Variants in VPS13B observed in about 807,000 individuals in gnomAD.
VPS13B encodes the protein intermembrane lipid transfer protein VPS13B.
In VPS13B, 285 loss-of-function variants were observed where a neutral mutation model predicts 426.4. The ratio of observed to expected loss-of-function variants is 0.67; its 90% CI spans 0.61 to 0.74. The LOEUF (loss-of-function observed/expected upper bound fraction) is 0.74, where lower values mean the gene tolerates loss of function less well. Ranked by LOEUF, VPS13B falls within the 30% of genes least tolerant of loss-of-function variation. The pLI, the probability that VPS13B is intolerant of heterozygous loss-of-function variation, is 0.00. For synonymous variants in VPS13B, 1,676 were observed against 1,676.4 expected, an observed-to-expected ratio of 1.00 and a Z score of 0.01; for missense variants, 4,537 against 4,782.6, an observed-to-expected ratio of 0.95 and a Z score of 1.51.
At chr8:99,313,065 T>C (rs1488295880) in intron 19 of VPS13B, among the ~76,000 whole-genome samples, 2 of 152,152 alleles carry the variant, frequency 1.3e-5, no homozygotes, top group African/African-American at 2.4e-5. Flanking sequence ...AGTTAGCCAT[T>C]CATCTAATCT....
Position 99,859,322 on chromosome 8 carries a change from T to G in VPS13B, c.10886T>G (p.Leu3629Arg). The G allele has an allele frequency of 6.2e-7, 1 of 1,613,790 alleles. No individual in the cohort carries two copies. The highest frequency in any genetic ancestry group is 8.5e-7 in the Non-Finnish European group (1 of 1,179,940). The change falls in exon 57 of 62, where the codon CTG becomes CGG. Residue 3629 changes from leucine to arginine, a missense_variant. This residue lies in a region of VPS13B where 4,311 missense variants were observed against 4,474.3 expected (regional missense o/e 0.96). Transcript: ENST00000357162. ...GTTGCAGGCTGGGTAGTTGGGTCTC[T>G]GGATATTCTTGGCAGCCCTGCAAGC... ...LFRAGWVVGSLDILGSPASLV... is the reference protein window; with the variant it reads ...LFRAGWVVGSRDILGSPASLV...
At chr8:99,756,411 A>T (rs1291114845) in intron 39 of VPS13B, among the ~76,000 whole-genome samples, 3 of 152,170 alleles carry the variant, frequency 2.0e-5, no homozygotes, top group Admixed American at 6.5e-5. Context: ...GTCCCAGGAG[A>T]GGAGAGAAAC....
At chr8:99,725,124 C>G (rs535869399) in intron 39 of VPS13B, among the ~76,000 whole-genome samples, 37 of 152,320 alleles carry the variant, frequency 2.4e-4, no homozygotes, top group Admixed American at 2.6e-4. Flanking sequence ...TAAAGCCCTC[C>G]TCTGAAATCT....
At chr8:99,640,019 T>TAAGAAGAAGAAG (rs1172250597) in intron 33 of VPS13B, among the ~76,000 whole-genome samples, 1 of 78,312 alleles carries the variant, frequency 1.3e-5, no homozygotes, top group African/African-American at 4.4e-5. Flanking sequence ...ATAATAATAA[T>TAAGAAGAAGAAG]AATAATAAGA....
chr8:99,846,343 C>T (rs1563505186), intron 54 of VPS13B, among the ~76,000 whole-genome samples: 1 of 152,130 alleles, frequency 6.6e-6, no homozygotes, highest in Non-Finnish European at 1.5e-5. Context: ...GTGAGCAGTG[C>T]GAGGGTAGGA....
chr8:99,238,998 A>C (rs569604213), intron 17 of VPS13B, among the ~76,000 whole-genome samples: 61 of 152,328 alleles, frequency 4.0e-4, no homozygotes, highest in African/African-American at 1.4e-3. Context: ...TCAAGATTTC[A>C]TCTGAGTAAG....
At chr8:99,496,272 A>G (rs966622047) in intron 25 of VPS13B, among the ~76,000 whole-genome samples, 4 of 152,214 alleles carry the variant, frequency 2.6e-5, no homozygotes, top group African/African-American at 9.6e-5. Flanking sequence ...TGGTCTAGAA[A>G]GTGGAACATT....
At chr8:99,573,012 G>T (rs1825566358) in intron 31 of VPS13B, among the ~76,000 whole-genome samples, 1 of 152,152 alleles carries the variant, frequency 6.6e-6, no homozygotes, top group South Asian at 2.1e-4. Flanking sequence ...GTGTGAGATG[G>T]TATCTCATTG....
Position 99,355,268 on chromosome 8 carries a change from T to C in VPS13B, c.2825-28940T>C, listed in dbSNP as rs551755143. On this transcript the variant is annotated intron_variant, in intron 19 of 61. Coordinates refer to ENST00000357162, the MANE Select transcript of VPS13B (RefSeq NM_152564.5). ...AAGCCCCCTCTTTTCATATTGTGAA[T>C]TAAAAATTCCAACTGCTTTTCTTAA... is the stretch of plus-strand genomic sequence containing the variant. 2.0e-5 allele frequency among the ~76,000 whole-genome samples: 3 copies of C among 152,310 alleles called. No individual in the cohort carries two copies. The East Asian group carries it at 5.8e-4, about 29-fold the overall frequency.
At chr8:99,388,139 G>A (rs548399506) in intron 20 of VPS13B, among the ~76,000 whole-genome samples, 4 of 152,104 alleles carry the variant, frequency 2.6e-5, no homozygotes, top group Non-Finnish European at 4.4e-5. Context: ...TATGCAATAT[G>A]AGGGCACTTA....
Position 99,364,559 on chromosome 8 carries a change from A to G in VPS13B, c.2825-19649A>G, listed in dbSNP as rs182868933. On this transcript the variant is annotated intron_variant, in intron 19 of 61. Coordinates refer to ENST00000357162, the MANE Select transcript of VPS13B (RefSeq NM_152564.5). ...GTGACCCTCCCACCTCAGCTTCCCA[A>G]GTAGCTGGGACTACAGACATGTGCT... is the stretch of plus-strand genomic sequence containing the variant. Among the ~76,000 whole-genome samples, 958 of 152,116 alleles carry G rather than the reference A, an allele frequency of 6.3e-3. 7 individuals carry two copies. The highest frequency in any genetic ancestry group is 0.022 in the African/African-American group (899 of 41,496).
chr8:99,431,744 C>A, intron 22 of VPS13B, 80 bp downstream of exon 22: 1 of 1,443,938 alleles, frequency 6.9e-7, no homozygotes, highest in Non-Finnish European at 9.5e-7. Context: ...ATTGGTAAGA[C>A]TTTTCTCACA....
At chr8:99,869,442 C>A (rs996138150) in intron 59 of VPS13B, among the ~76,000 whole-genome samples, 2 of 152,182 alleles carry the variant, frequency 1.3e-5, no homozygotes, top group Admixed American at 6.5e-5. Flanking sequence ...ACACTTCAGG[C>A]AGCCATCCGG....
chr8:99,353,109 G>A (rs1040434114), intron 19 of VPS13B, among the ~76,000 whole-genome samples: 3 of 151,652 alleles, frequency 2.0e-5, no homozygotes, highest in African/African-American at 7.3e-5. Context: ...ATCCTCCCAA[G>A]TAGCTGGGAT....
intron 30 of VPS13B, among the ~76,000 whole-genome samples, chr8:99,524,186 C>T (rs1441869358): frequency 6.6e-6 from 1 of 151,874 alleles, no homozygotes; most frequent in Non-Finnish European, 1.5e-5. Flanking sequence ...TTTGAAAATA[C>T]ACAATCAGAG....
intron 25 of VPS13B, among the ~76,000 whole-genome samples, chr8:99,501,350 T>C (rs982880308): frequency 2.6e-5 from 4 of 152,168 alleles, no homozygotes; most frequent in Non-Finnish European, 5.9e-5. Context: ...AGTAAAAATT[T>C]ATTCCCCAAT....
At chr8:99,261,214 A>G (rs1159872894) in intron 17 of VPS13B, among the ~76,000 whole-genome samples, 1 of 152,112 alleles carries the variant, frequency 6.6e-6, no homozygotes, top group Non-Finnish European at 1.5e-5. Context: ...CATGTTATGT[A>G]TCCATCCTTA....
chr8:99,063,444 A>T (rs1487108863), intron 3 of VPS13B, among the ~76,000 whole-genome samples: 1 of 152,230 alleles, frequency 6.6e-6, no homozygotes. Context: ...GGTGGGTCCC[A>T]TGCCCACAGA....
chr8:99,413,184 G>A (rs1212645579), intron 21 of VPS13B, among the ~76,000 whole-genome samples: 1 of 151,322 alleles, frequency 6.6e-6, no homozygotes, highest in East Asian at 1.9e-4. Flanking sequence ...AATCCATAGG[G>A]TCCTGGGTTT....
Sources: allele counts gnomAD v4.1 joint callset (sites outside exome capture counted in the v4.1 genomes callset), GRCh38; gene constraint gnomAD v4.1.1; regional missense constraint gnomAD v4.1.1; transcripts MANE v1.5; gene names NCBI Gene and HGNC (gene_info 2026-07-23, HGNC 2026-07-21).